GRIK3: variants seen among roughly 807,000 people sequenced by gnomAD.
The protein encoded by GRIK3 is glutamate ionotropic receptor kainate type subunit 3.
In GRIK3, 29 loss-of-function variants were observed where a neutral mutation model predicts 102.5. The observed-to-expected ratio is 0.28, with a 90% CI of 0.21 to 0.39. GRIK3 has a LOEUF of 0.39. GRIK3 is among the 10% of genes least tolerant of loss of function. The probability of loss-of-function intolerance (pLI) is 1.00; values close to 1 mark genes in which losing one functional copy is unlikely to be tolerated. For missense variants in GRIK3, 908 were observed against 1,252.4 expected (o/e 0.73, Z 4.15); for synonymous variants, 511 against 504.9 (o/e 1.01, Z -0.16).
In GRIK3 at chr1:36,923,631, T is replaced by C. The variant is rs376586036; in HGVS notation, c.116-32535A>G. 1.1e-4 allele frequency among the ~76,000 whole-genome samples: 16 copies of C among 152,294 alleles called. No individual in the cohort carries two copies. The East Asian group carries it at 2.9e-3, about 28-fold the overall frequency. On this transcript the variant is annotated intron_variant, in intron 1 of 15. Transcript: ENST00000373091. ...CCTGGCAGGGCCTCAGTTTCCTCACTAGTAAATTGGAGAGGTGAATGAAAC... is the reference window on the plus strand; with the variant it reads ...CCTGGCAGGGCCTCAGTTTCCTCACCAGTAAATTGGAGAGGTGAATGAAAC...
At chr1:36,886,460 A>AAAAAATAAAAG (rs1350361178) in intron 2 of GRIK3, among the ~76,000 whole-genome samples, 2 of 152,194 alleles carry the variant, frequency 1.3e-5, no homozygotes, top group Non-Finnish European at 2.9e-5. Flanking sequence ...AGATGAGAAG[A>AAAAAATAAAAG]AAAAATAAAG....
intron 1 of GRIK3, among the ~76,000 whole-genome samples, chr1:36,975,992 C>G (rs1401923455): frequency 6.6e-6 from 1 of 152,182 alleles, no homozygotes; most frequent in Non-Finnish European, 1.5e-5. Flanking sequence ...CAAAAGTGAA[C>G]AGGATTTGCT....
At chr1:37,012,940 G>A (rs1422650324) in intron 1 of GRIK3, among the ~76,000 whole-genome samples, 3 of 152,174 alleles carry the variant, frequency 2.0e-5, no homozygotes, top group Non-Finnish European at 4.4e-5. Context: ...CTCTTCCTGG[G>A]ATACCCCAAA....
At position 36,825,963 on chromosome 1, in the gene GRIK3, C is replaced by A. The variant is rs1642751185; in HGVS notation, c.1531-137G>T. ...CAGGTCACTAACCGCTCTTCTGTTT[C>A]CACATTTACTAACCCTCCTTCAGGG... is the stretch of plus-strand genomic sequence containing the variant. On this transcript the variant is annotated intron_variant, in intron 10 of 15. Transcript: ENST00000373091. 4.9e-6 allele frequency: 3 copies of A among 617,512 alleles called. No individual in the cohort carries two copies. In the Admixed American group the frequency reaches 9.4e-5, roughly 19 times the overall value. 38.3% of individuals were successfully genotyped at this position (617,512 alleles called of 1,614,324 possible).
At chr1:36,965,411 G>C (rs1470303107) in intron 1 of GRIK3, among the ~76,000 whole-genome samples, 1 of 152,150 alleles carries the variant, frequency 6.6e-6, no homozygotes, top group Admixed American at 6.5e-5. Flanking sequence ...ACTCGCCAGC[G>C]AACAGTGAGT....
At chr1:36,885,533 T>C (rs1458554655) in intron 2 of GRIK3, among the ~76,000 whole-genome samples, 2 of 152,178 alleles carry the variant, frequency 1.3e-5, no homozygotes, top group Non-Finnish European at 2.9e-5. Context: ...CTGGGTTTCA[T>C]TCTGCAAGAG....
At chr1:36,838,886 GA>G (rs950880010) in intron 10 of GRIK3, among the ~76,000 whole-genome samples, 20 of 152,292 alleles carry the variant, frequency 1.3e-4, no homozygotes, top group African/African-American at 4.6e-4. Context: ...CAATTGTAGG[GA>G]ATTGGGCTTA....
rs190969604 is a variant in GRIK3 at position 36,888,553 on chromosome 1, C to T, written c.292+2367G>A. On this transcript the variant is annotated intron_variant, in intron 2 of 15. Coordinates refer to ENST00000373091, the MANE Select transcript of GRIK3 (RefSeq NM_000831.4). ...CCTCCCTTTCCTGCACTCTCTCCTG[C>T]AACTCCCAGTATGGCACCTGTTGCT... Among the ~76,000 whole-genome samples the T allele has an allele frequency of 1.1e-4, 17 of 152,288 alleles. No homozygotes were observed. In the East Asian group the frequency reaches 3.3e-3, roughly 29 times the overall value.
chr1:36,902,047 TA>T (rs773434193), intron 1 of GRIK3, among the ~76,000 whole-genome samples: 12 of 152,192 alleles, frequency 7.9e-5, no homozygotes, highest in Non-Finnish European at 1.6e-4. Context: ...ATATTTGAGG[TA>T]AAACTCACAA....
intron 1 of GRIK3, among the ~76,000 whole-genome samples, chr1:36,905,496 A>G (rs1447675740): frequency 7.5e-6 from 1 of 133,328 alleles, no homozygotes; most frequent in African/African-American, 3.4e-5. Context: ...TGGTAATAAG[A>G]AAAAAAAAAC....
At chr1:36,934,866 T>A (rs1390579349) in intron 1 of GRIK3, among the ~76,000 whole-genome samples, 1 of 152,194 alleles carries the variant, frequency 6.6e-6, no homozygotes, top group African/African-American at 2.4e-5. Flanking sequence ...CTCTTCTCTT[T>A]CATCTCTTTA....
Position 36,905,185 on chromosome 1 carries a change from G to T in GRIK3, c.116-14089C>A, listed in dbSNP as rs149265241. Among the ~76,000 whole-genome samples, 518 of 152,178 alleles carry T rather than the reference G, an allele frequency of 3.4e-3. 4 individuals are homozygous for T. Among genetic ancestry groups the T allele is most frequent in the Non-Finnish European group, 3.3e-3 (222 of 68,018 alleles). ...AAAGAAAATACCTTACCATAAATGT[G>T]CAATTCCTATATCAAGAAAACTACA... On this transcript the variant is annotated intron_variant, in intron 1 of 15. Transcript: ENST00000373091.
intron 1 of GRIK3, among the ~76,000 whole-genome samples, chr1:36,938,755 C>A (rs1369660462): frequency 6.6e-6 from 1 of 152,208 alleles, no homozygotes; most frequent in South Asian, 2.1e-4. Context: ...AACTCCCTGA[C>A]CACAGTGACT....
At chr1:36,992,514 A>G (rs530992214) in intron 1 of GRIK3, among the ~76,000 whole-genome samples, 1 of 152,296 alleles carries the variant, frequency 6.6e-6, no homozygotes, top group Admixed American at 6.5e-5. Flanking sequence ...TACTGAGTCC[A>G]GTGAAAGATG....
At chr1:37,006,706 C>T (rs796346902) in intron 1 of GRIK3, among the ~76,000 whole-genome samples, 3 of 152,194 alleles carry the variant, frequency 2.0e-5, no homozygotes, top group African/African-American at 4.8e-5. Flanking sequence ...GAGTTACCTG[C>T]GGGCGCCGCA....
At chr1:36,893,755 C>T (rs187290090) in intron 1 of GRIK3, among the ~76,000 whole-genome samples, 13 of 152,096 alleles carry the variant, frequency 8.5e-5, no homozygotes, top group African/African-American at 1.7e-4. Flanking sequence ...GATCTAGGGA[C>T]GTTCAACCAG....
At chr1:36,863,230 C>T (rs1354045) in intron 5 of GRIK3, among the ~76,000 whole-genome samples, 125,136 of 151,940 alleles carry the variant, frequency 0.82, 53,452 homozygotes, top group Non-Finnish European at 0.94. Flanking sequence ...TCCCTCTTCC[C>T]TATGATGACG....
intron 1 of GRIK3, among the ~76,000 whole-genome samples, chr1:36,910,856 G>A (rs559250307): frequency 2.0e-5 from 3 of 152,172 alleles, no homozygotes; most frequent in Non-Finnish European, 4.4e-5. Context: ...TTTCAGCCCC[G>A]TTCTTCAGGA....
chr1:36,968,548 GCCCTTTCAAGGGC>G, intron 1 of GRIK3, among the ~76,000 whole-genome samples: 1 of 152,140 alleles, frequency 6.6e-6, no homozygotes, highest in South Asian at 2.1e-4. Flanking sequence ...ACCTCCACCT[GCCCTTTCAAGGGC>G]CCCTTGCTGG....
Sources: gnomAD v4.1 joint callset for allele counts (sites outside exome capture counted in the v4.1 genomes callset) on GRCh38, gnomAD v4.1.1 for gene constraint, MANE v1.5 for transcripts, NCBI Gene and HGNC (gene_info 2026-07-23, HGNC 2026-07-21) for gene names.